The following SERPINA10 variants were observed in gnomAD, a reference collection of about 807,000 sequenced individuals.
SERPINA10 encodes serpin family A member 10.
In SERPINA10, 24 loss-of-function variants were observed where a neutral mutation model predicts 28.0. That is an observed-to-expected ratio of 0.86 (90% CI 0.62 to 1.20). The LOEUF (loss-of-function observed/expected upper bound fraction) is 1.20. Among genes scored for constraint, SERPINA10 ranks in the 50% most tolerant of loss-of-function variants. SERPINA10 has a pLI of 0.00. For missense variants in SERPINA10, 521 were observed against 537.7 expected (o/e 0.97, Z 0.31); for synonymous variants, 207 against 203.9 (o/e 1.02, Z -0.13).
chr14:94,289,943 A>C lies in SERPINA10; in HGVS notation c.651T>G (p.Ile217Met). Residue 217 changes from isoleucine to methionine, a missense_variant, in exon 2 of 5, where the codon ATT becomes ATG. Coordinates refer to ENST00000261994, the MANE Select transcript of SERPINA10 (RefSeq NM_001100607.3). ...HYINKETRGK[I>M]PKLFDEINPE... ...GATTAATCTCATCAAACAGTTTGGG[A>C]ATTTTCCCCCGAGTCTCTTTGTTAA... 1 of 1,614,152 alleles carries C rather than the reference A, an allele frequency of 6.2e-7. No individual in the cohort carries two copies. Among genetic ancestry groups the C allele is most frequent in the South Asian group, 1.1e-5 (1 of 91,076 alleles).
chr14:94,288,269 G>A lies in SERPINA10; in HGVS notation c.992+17C>T. ...CAGAAAGGTAGAGTTTGTATAGGGT[G>A]TGGGCAAGAGTTGTACCTGGTTTTC... On this transcript the variant is annotated intron_variant, in intron 3 of 4. Coordinates refer to ENST00000261994, the MANE Select transcript of SERPINA10 (RefSeq NM_001100607.3). 6.2e-7 allele frequency: 1 copy of A among 1,613,030 alleles called. No homozygotes were observed. Among genetic ancestry groups the A allele is most frequent in the South Asian group, 1.1e-5 (1 of 91,028 alleles).
At position 94,286,128 on chromosome 14, in the gene SERPINA10, T is replaced by C; in HGVS notation, c.1123A>G (p.Arg375Gly). 1.9e-6 allele frequency: 3 copies of C among 1,614,146 alleles called. No homozygotes were observed. The highest frequency in any genetic ancestry group is 2.5e-6 in the Non-Finnish European group (3 of 1,180,010). ...ADLSELSATGRNLQVSRVLQR... is the reference protein window; with the variant it reads ...ADLSELSATGGNLQVSRVLQR... ...CTTACCCTGGATACTTGGAGATTTCTTCCAGTAGCTGAGAGTTCACTAAGG... is the reference window on the plus strand; with the variant it reads ...CTTACCCTGGATACTTGGAGATTTCCTCCAGTAGCTGAGAGTTCACTAAGG... Residue 375 changes from arginine to glycine, a missense_variant, in exon 4 of 5, where the codon AGA becomes GGA. Coordinates refer to ENST00000261994, the MANE Select transcript of SERPINA10 (RefSeq NM_001100607.3).
chr14:94,285,451 CTCTCTCTCCATATATATATGTATG>C (rs1481469436), intron 4 of SERPINA10, among the ~76,000 whole-genome samples: 2 of 151,810 alleles, frequency 1.3e-5, no homozygotes, highest in South Asian at 4.2e-4. Context: ...CTCTCTCTCT[CTCTCTCTCCATATATATATGTATG>C]TCTCTCTCCA....
Position 94,290,199 on chromosome 14 carries a change from G to T in SERPINA10, c.395C>A (p.Ala132Asp). The T allele has an allele frequency of 6.2e-7, 1 of 1,613,724 alleles. No individual in the cohort carries two copies. The highest frequency in any genetic ancestry group is 1.1e-5 in the South Asian group (1 of 91,070). ...TQIKRGLHLQ[A>D]LKPTKPGLLP... ...GAGCCCGGGCTTGGTGGGCTTCAGG[G>T]CCTGCAAGTGGAGCCCTCTCTTGAT... The change falls in exon 2 of 5, where the codon GCC becomes GAC. Residue 132 changes from alanine to aspartate, a missense_variant. Physicochemically the swap from Ala to Asp is moderately radical, Grantham distance 126 (BLOSUM62 -2). Coordinates refer to ENST00000261994, the MANE Select transcript of SERPINA10 (RefSeq NM_001100607.3).
At chr14:94,287,459 TC>T (rs1450421414) in intron 3 of SERPINA10, among the ~76,000 whole-genome samples, 1 of 152,112 alleles carries the variant, frequency 6.6e-6, no homozygotes, top group African/African-American at 2.4e-5. Flanking sequence ...TCTCACCACT[TC>T]CACTACCACC....
chr14:94,292,736 G>T (rs1485428072), intron 1 of SERPINA10: 1 of 698,502 alleles, frequency 1.4e-6, no homozygotes, highest in African/African-American at 1.8e-5. Flanking sequence ...TTGGAGTCTA[G>T]GCCAGGAGCT....
chr14:94,285,797 AT>A (rs1379130763), intron 4 of SERPINA10, among the ~76,000 whole-genome samples: 1 of 152,066 alleles, frequency 6.6e-6, no homozygotes, highest in Non-Finnish European at 1.5e-5. Flanking sequence ...TTCATGAACT[AT>A]TCAAGTTGTA....
chr14:94,292,062 A>C (rs999885129), intron 1 of SERPINA10, among the ~76,000 whole-genome samples: 2 of 152,210 alleles, frequency 1.3e-5, no homozygotes, highest in African/African-American at 4.8e-5. Context: ...TTGGGTAAAT[A>C]GCTCTTTCAG....
rs781316392 is a variant in SERPINA10, at chr14:94,290,463, G to C, written c.131C>G (p.Ala44Gly). Residue 44 changes from alanine (A) to glycine (G), a missense_variant, in exon 2 of 5, where the codon GCT becomes GGT. Ala to Gly is a moderately conservative substitution (Grantham distance 60, BLOSUM62 0). Coordinates refer to ENST00000261994, the MANE Select transcript of SERPINA10 (RefSeq NM_001100607.3). ...PQNQTSRVVQ[A>G]PKEEEEDEQE... is the part of the protein sequence containing the mutation. ...CTCATCTTCCTCTTCCTCCTTGGGA[G>C]CCTGCACTACCCTGCTGGTCTGGTT... The C allele has an allele frequency of 6.2e-7, 1 of 1,613,686 alleles. No homozygotes were observed. The highest frequency in any genetic ancestry group is 8.5e-7 in the Non-Finnish European group (1 of 1,179,818).
At chr14:94,285,051 A>G (rs1451676622) in intron 4 of SERPINA10, among the ~76,000 whole-genome samples, 1 of 152,200 alleles carries the variant, frequency 6.6e-6, no homozygotes, top group African/African-American at 2.4e-5. Flanking sequence ...TCCAGGCCAC[A>G]GTTACCCTAC....
At position 94,289,756 on chromosome 14, in the gene SERPINA10, C is replaced by T. The variant is rs887718171; in HGVS notation, c.718+120G>A. 9.6e-6 allele frequency: 11 copies of T among 1,140,646 alleles called. No individual in the cohort carries two copies. In the African/African-American group the frequency reaches 1.1e-4, roughly 11 times the overall value. 70.7% of individuals were successfully genotyped at this position (1,140,646 alleles called of 1,614,324 possible). ...TATGTGTATCAATCTGTTTTTGAAA[C>T]GTGAAAACACATTCATAGAAAATCA... On this transcript the variant is annotated intron_variant, in intron 2 of 4. Coordinates refer to ENST00000261994, the MANE Select transcript of SERPINA10 (RefSeq NM_001100607.3).
rs45516698 is a variant in SERPINA10 at position 94,290,486 on chromosome 14, G to A, written c.108C>T (p.Asn36=). ...PQSPETPAPQ[N]QTSRVVQAPK... is the part of the protein sequence containing the mutation. ...GAGCCTGCACTACCCTGCTGGTCTGGTTCTGAGGGGCTGGGGTCTCTGGCG... is the reference window on the plus strand; with the variant it reads ...GAGCCTGCACTACCCTGCTGGTCTGATTCTGAGGGGCTGGGGTCTCTGGCG... The change falls in exon 2 of 5, where the codon AAC becomes AAT. Residue 36 remains asparagine (N), a synonymous_variant. Transcript: ENST00000261994. The A allele has an allele frequency of 6.6e-3, 10,728 of 1,613,660 alleles. 37 individuals are homozygous for A. The highest frequency in any genetic ancestry group is 8.4e-3 in the Non-Finnish European group (9,874 of 1,179,832).
rs138596291 is a variant in SERPINA10 at position 94,283,617 on chromosome 14, T to G, written c.*348A>C. On this transcript the variant is annotated 3_prime_UTR_variant, in exon 5 of 5. Transcript: ENST00000261994. ...TTCTCTATAATCAGTTTGACTGTTA[T>G]GGTATTGCAGTGCTTGCATTCAAGT... 3 of 328,172 alleles carry G rather than the reference T, an allele frequency of 9.1e-6. No individual in the cohort carries two copies. The highest frequency in any genetic ancestry group is 1.1e-5 in the Non-Finnish European group (2 of 174,592). The allele number at this position is 328,172 out of a possible 1,614,324, so 20.3% of individuals were successfully genotyped here. A position where few individuals can be genotyped will look rare whatever the true frequency, so the allele number is the denominator to read the frequency against.
rs766382941 is a variant in SERPINA10 at position 94,290,142 on chromosome 14, G to T, written c.452C>A (p.Thr151Asn). ...GCCCAGTTCCAGGTTGCGGGAGAGG[G>T]TCTCTCTGAGTCCCTTAAAGAGGGA... The part of the protein sequence containing the change: ...LPSLFKGLRE[T>N]LSRNLELGLT... The change falls in exon 2 of 5, where the codon ACC becomes AAC. Residue 151 changes from threonine to asparagine, a missense_variant. Physicochemically the swap from Thr to Asn is moderately conservative, Grantham distance 65. Transcript: ENST00000261994. 4 of 1,614,164 alleles carry T rather than the reference G, an allele frequency of 2.5e-6. No homozygotes were observed. In the South Asian group the frequency reaches 3.3e-5, roughly 13 times the overall value.
chr14:94,292,854 C>G lies in SERPINA10; in HGVS notation c.-51+335G>C, dbSNP rs972575375. 3 of 601,176 alleles carry G rather than the reference C, an allele frequency of 5.0e-6. No individual in the cohort carries two copies. In the African/African-American group the frequency reaches 5.5e-5, roughly 11 times the overall value. The allele number at this position is 601,176 out of a possible 1,614,324, so 37.2% of individuals were successfully genotyped here. A position where few individuals can be genotyped will look rare whatever the true frequency, so the allele number is the denominator to read the frequency against. The stretch of plus-strand genomic sequence containing the variant: ...CCAGCTCACCTGCCACTTCTCAGCC[C>G]TGGGACAGCACACATCCCTGCCTCC... On this transcript the variant is annotated intron_variant, in intron 1 of 4. Coordinates refer to ENST00000261994, the MANE Select transcript of SERPINA10 (RefSeq NM_001100607.3).
At chr14:94,288,705 G>T in intron 2 of SERPINA10, 146 bp from the exon 3 acceptor site, 1 of 1,168,918 alleles carries the variant, frequency 8.6e-7, no homozygotes, top group Non-Finnish European at 1.2e-6. Flanking sequence ...TCCCTAATTG[G>T]GTTGGCTTTT....
intron 4 of SERPINA10, among the ~76,000 whole-genome samples, chr14:94,285,495 A>G (rs182280231): frequency 6.0e-5 from 9 of 151,060 alleles, no homozygotes; most frequent in Admixed American, 5.3e-4. Context: ...ATATATATAT[A>G]TATGTGTGTG....
Position 94,290,258 on chromosome 14 carries a change from C to G in SERPINA10, c.336G>C (p.Leu112Phe). Residue 112 changes from leucine (L) to phenylalanine (F), a missense_variant, in exon 2 of 5, where the codon TTG becomes TTC. By Grantham distance (22) the Leu-to-Phe change is conservative. Coordinates refer to ENST00000261994, the MANE Select transcript of SERPINA10 (RefSeq NM_001100607.3). ...CAGTCGGCCCTGTGGCCCCCAGCAT[C>G]AAGCCTGTCATGGCCAAGGACATGC... is the stretch of plus-strand genomic sequence containing the variant. ...PFGMSLAMTGLMLGATGPTET... is the reference protein window; with the variant it reads ...PFGMSLAMTGFMLGATGPTET... 2 of 1,614,186 alleles carry G rather than the reference C, an allele frequency of 1.2e-6. No homozygotes were observed. The highest frequency in any genetic ancestry group is 8.5e-7 in the Non-Finnish European group (1 of 1,180,028).
rs540586959 is a variant in SERPINA10, at chr14:94,289,249, T to TC, written c.718+626dup. Among the ~76,000 whole-genome samples, 91 of 152,282 alleles carry TC rather than the reference T, an allele frequency of 6.0e-4. 2 individuals are homozygous for TC. The South Asian group carries it at 0.018, about 30-fold the overall frequency. The stretch of plus-strand genomic sequence containing the variant: ...AGGCAGGGCTGGACAGAACCTAGGA[T>TC]CAGGGGGTCAGGAGGCCCTTGTTTG... On this transcript the variant is annotated intron_variant, in intron 2 of 4. Transcript: ENST00000261994.
Sources: gnomAD v4.1 joint callset for allele counts (sites outside exome capture counted in the v4.1 genomes callset) on GRCh38, gnomAD v4.1.1 for gene constraint, MANE v1.5 for transcripts, NCBI Gene and HGNC (gene_info 2026-07-23, HGNC 2026-07-21) for gene names.